FAIM2: variants seen among roughly 807,000 people sequenced by gnomAD.
FAIM2 encodes Fas apoptotic inhibitory molecule 2, also known as protein lifeguard 2.
A neutral mutation model predicts 47.4 loss-of-function variants in FAIM2; 27 were observed. That is an observed-to-expected ratio of 0.57 (90% CI 0.42 to 0.78). The LOEUF (loss-of-function observed/expected upper bound fraction) is 0.78, where lower values mean the gene tolerates loss of function less well. Among genes scored for constraint, FAIM2 ranks in the 30% least tolerant of loss-of-function variants. FAIM2 has a pLI of 0.00. For synonymous variants in FAIM2, 156 were observed against 159.3 expected, an observed-to-expected ratio of 0.98 and a Z score of 0.16; for missense variants, 311 against 389.4, an observed-to-expected ratio of 0.80 and a Z score of 1.69.
chr12:49,896,062 G>A (rs1289839517), intron 5 of FAIM2, among the ~76,000 whole-genome samples: 1 of 152,176 alleles, frequency 6.6e-6, no homozygotes, highest in Non-Finnish European at 1.5e-5. Flanking sequence ...CCTTTGGGGG[G>A]CGCCCCTGAT....
At chr12:49,877,367 G>C (rs563462238) in intron 11 of FAIM2, among the ~76,000 whole-genome samples, 1 of 152,360 alleles carries the variant, frequency 6.6e-6, no homozygotes, top group South Asian at 2.1e-4. Context: ...TGGGTGGGGC[G>C]TCGGGGAGGC....
intron 11 of FAIM2, among the ~76,000 whole-genome samples, chr12:49,880,726 G>GTA (rs1555158664): frequency 1.5e-3 from 219 of 150,914 alleles, no homozygotes; most frequent in African/African-American, 4.9e-3. Context: ...GCGTGTATAT[G>GTA]TGTGTGTGTA....
At chr12:49,879,658 GTA>G (rs1477022190) in intron 11 of FAIM2, among the ~76,000 whole-genome samples, 29 of 149,766 alleles carry the variant, frequency 1.9e-4, no homozygotes, top group African/African-American at 4.7e-4. Context: ...ATGTGAATGT[GTA>G]TATGTGAGTG....
Position 49,870,443 on chromosome 12 carries a change from G to T in FAIM2, c.*61C>A. ...ATATCTGGTCTCGCAGGAGCGCAGG[G>T]GAGGGACAGGGAACCAGGAGGGGCG... is the stretch of plus-strand genomic sequence containing the variant. On this transcript the variant is annotated 3_prime_UTR_variant, in exon 12 of 12. Transcript: ENST00000320634. The T allele has an allele frequency of 6.7e-7, 1 of 1,493,206 alleles. No individual in the cohort carries two copies. Among genetic ancestry groups the T allele is most frequent in the African/African-American group, 1.4e-5 (1 of 72,258 alleles). 92.5% of individuals were successfully genotyped at this position (1,493,206 alleles called of 1,614,324 possible).
intron 11 of FAIM2, among the ~76,000 whole-genome samples, chr12:49,876,386 T>A (rs1229018114): frequency 1.3e-5 from 2 of 152,246 alleles, no homozygotes; most frequent in East Asian, 3.8e-4. Flanking sequence ...TTATAGTGAA[T>A]GATAACCTTG....
chr12:49,895,672 G>A (rs1448447154), intron 5 of FAIM2, among the ~76,000 whole-genome samples: 1 of 152,172 alleles, frequency 6.6e-6, no homozygotes, highest in African/African-American at 2.4e-5. Flanking sequence ...AAAGACTTTG[G>A]AACCCCCAGA....
At chr12:49,879,150 G>A (rs1300768216) in intron 11 of FAIM2, among the ~76,000 whole-genome samples, 1 of 135,658 alleles carries the variant, frequency 7.4e-6, no homozygotes, top group Non-Finnish European at 1.6e-5. Context: ...GTTTGTGTAT[G>A]TGCATGTGTA....
At position 49,887,533 on chromosome 12, in the gene FAIM2, G is replaced by A. The variant is rs1042330784; in HGVS notation, c.748-94C>T. 1.1e-5 allele frequency: 12 copies of A among 1,099,426 alleles called. 1 individual carries two copies. Among genetic ancestry groups the A allele is most frequent in the African/African-American group, 6.2e-5 (4 of 64,500 alleles). The allele number at this position is 1,099,426 out of a possible 1,614,324, so 68.1% of individuals were successfully genotyped here. A position where few individuals can be genotyped will look rare whatever the true frequency, so the allele number is the denominator to read the frequency against. ...GTTCAGTCCAGAGAATGGAGGACAC[G>A]GGGTAGCCCTGCCCAGAGCTCCCTA... On this transcript the variant is annotated intron_variant, in intron 10 of 11. Coordinates refer to ENST00000320634, the MANE Select transcript of FAIM2 (RefSeq NM_012306.4).
intron 11 of FAIM2, among the ~76,000 whole-genome samples, chr12:49,876,348 G>C (rs1398584393): frequency 6.6e-6 from 1 of 152,220 alleles, no homozygotes; most frequent in Non-Finnish European, 1.5e-5. Flanking sequence ...CACACAGCTA[G>C]AATGTGGCAG....
At chr12:49,887,050 C>T (rs1946866685) in intron 11 of FAIM2, among the ~76,000 whole-genome samples, 1 of 152,110 alleles carries the variant, frequency 6.6e-6, no homozygotes, top group Non-Finnish European at 1.5e-5. Context: ...CTAACTTGGT[C>T]CACATGGCCA....
chr12:49,897,671 C>T (rs1946947955), intron 3 of FAIM2, 88 bp from the exon 4 acceptor site: 1 of 938,274 alleles, frequency 1.1e-6, no homozygotes, highest in Admixed American at 2.2e-5. Flanking sequence ...CTCCAGGTCC[C>T]CATCCTGTGC....
At chr12:49,898,812 G>A (rs569777395) in intron 2 of FAIM2, among the ~76,000 whole-genome samples, 55 of 152,314 alleles carry the variant, frequency 3.6e-4, no homozygotes, top group African/African-American at 1.2e-3. Context: ...ACAGGTATGA[G>A]CCACTGTGCC....
intron 11 of FAIM2, among the ~76,000 whole-genome samples, chr12:49,880,349 T>C (rs1315472079): frequency 2.6e-5 from 4 of 151,192 alleles, no homozygotes; most frequent in Non-Finnish European, 5.9e-5. Flanking sequence ...TTTGTGTATG[T>C]GCATGTATGT....
At chr12:49,900,006 T>C (rs74089073) in intron 2 of FAIM2, 6,103 of 275,258 alleles carry the variant, frequency 0.022, 351 homozygotes, top group African/African-American at 0.12. Context: ...TGAAGACCCT[T>C]GCCCTCTTGT....
At position 49,878,211 on chromosome 12, in the gene FAIM2, C is replaced by G. The variant is rs1375486782; in HGVS notation, c.802-7558G>C. On this transcript the variant is annotated intron_variant, in intron 11 of 11. Coordinates refer to ENST00000320634, the MANE Select transcript of FAIM2 (RefSeq NM_012306.4). ...GTGTGTGCATATGTGTATGTATGTG[C>G]TTGTGTGTATATGTGCATGAGTGTA... Among the ~76,000 whole-genome samples the G allele has an allele frequency of 3.5e-5, 4 of 112,998 alleles. 2 individuals are homozygous for G. Among genetic ancestry groups the G allele is most frequent in the African/African-American group, 7.0e-5 (2 of 28,566 alleles). The allele number at this position is 112,998 out of a possible 152,430, so 74.1% of individuals were successfully genotyped here.
chr12:49,893,248 T>C (rs576413302), intron 5 of FAIM2, among the ~76,000 whole-genome samples: 1 of 146,506 alleles, frequency 6.8e-6, no homozygotes, highest in East Asian at 2.2e-4. Context: ...CTTCTCTCAC[T>C]GCACTCTGCC....
intron 5 of FAIM2, among the ~76,000 whole-genome samples, chr12:49,894,702 A>G (rs1946923591): frequency 6.6e-6 from 1 of 152,212 alleles, no homozygotes; most frequent in African/African-American, 2.4e-5. Flanking sequence ...CAAAGGAGGA[A>G]GCAGAGCACA....
In FAIM2 at chr12:49,903,764, G is replaced by A. The variant is rs1279018781; in HGVS notation, c.15+14C>T. The stretch of plus-strand genomic sequence containing the variant: ...GAGGATGGAGGATGGTGCAGGCTGG[G>A]GAGATGCCGGTACCTTTCCCTGGGT... On this transcript the variant is annotated intron_variant, in intron 1 of 11. Coordinates refer to ENST00000320634, the MANE Select transcript of FAIM2 (RefSeq NM_012306.4). 1 of 1,550,418 alleles carries A rather than the reference G, an allele frequency of 6.4e-7. No homozygotes were observed. The highest frequency in any genetic ancestry group is 8.7e-7 in the Non-Finnish European group (1 of 1,146,538).
Position 49,874,347 on chromosome 12 carries a change from G to C in FAIM2, c.802-3694C>G, listed in dbSNP as rs1946721760. 6.6e-6 allele frequency among the ~76,000 whole-genome samples: 1 copy of C among 152,008 alleles called. No individual in the cohort carries two copies. Among genetic ancestry groups the C allele is most frequent in the Non-Finnish European group, 1.5e-5 (1 of 68,036 alleles). The stretch of plus-strand genomic sequence containing the variant: ...GTCCTCATGGTCTTACATGAGGAAA[G>C]GAGTCTGAGAGCTGAGTGACTTGCT... On this transcript the variant is annotated intron_variant, in intron 11 of 11. Transcript: ENST00000320634. The surrounding 1 kb of genome is among the most constrained non-coding windows in gnomAD (Gnocchi z 4.2).
Sources: gnomAD v4.1 joint callset for allele counts (sites outside exome capture counted in the v4.1 genomes callset) on GRCh38, gnomAD v4.1.1 for gene constraint, Gnocchi (gnomAD v3.1) non-coding constraint, MANE v1.5 for transcripts, NCBI Gene and HGNC (gene_info 2026-07-23, HGNC 2026-07-21) for gene names.